The following XRN1 variants were observed in gnomAD, a reference collection of about 807,000 sequenced individuals.
XRN1 encodes the protein strand-exchange protein 1 homolog.
Under a neutral mutation model 222.3 loss-of-function variants are expected in XRN1, and 67 were observed. The ratio of observed to expected loss-of-function variants is 0.30; its 90% CI spans 0.25 to 0.37. XRN1 has a LOEUF of 0.37. Among genes scored for constraint, XRN1 ranks in the 10% least tolerant of loss-of-function variants. The pLI, the probability that XRN1 is intolerant of heterozygous loss-of-function variation, is 1.00. For missense variants in XRN1, 1,707 were observed against 2,000.2 expected, an observed-to-expected ratio of 0.85 and a Z score of 2.80; for synonymous variants, 643 against 652.4, an observed-to-expected ratio of 0.99 and a Z score of 0.22.
In XRN1 at chr3:142,391,749, A is replaced by AT. The variant is rs1470611038; in HGVS notation, c.2339+5579_2339+5580insA. On this transcript the variant is annotated intron_variant, in intron 20 of 40. Coordinates refer to ENST00000392981, the MANE Select transcript of XRN1 (RefSeq NM_001282857.2). ...ACCCCGTCTCACTAAAAAAAAAAAA[A>AT]ATATATATATATATATATATATATA... Among the ~76,000 whole-genome samples the AT allele has an allele frequency of 6.6e-3, 684 of 103,356 alleles. 1 individual carries two copies. Among genetic ancestry groups the AT allele is most frequent in the African/African-American group, 0.021 (596 of 27,976 alleles). 67.8% of individuals were successfully genotyped at this position (103,356 alleles called of 152,430 possible).
intron 2 of XRN1, among the ~76,000 whole-genome samples, chr3:142,428,085 G>C (rs2069336444): frequency 6.6e-6 from 1 of 152,022 alleles, no homozygotes; most frequent in South Asian, 2.1e-4. Context: ...AAGGTCTTGG[G>C]ATATAACAAA....
intron 37 of XRN1, 150 bp from the exon 38 acceptor site, chr3:142,319,053 G>A (rs1490812073): frequency 1.2e-5 from 8 of 652,220 alleles, no homozygotes; most frequent in South Asian, 7.0e-5. Context: ...AAAAATTTTC[G>A]AGTTGTTGCC....
intron 34 of XRN1, among the ~76,000 whole-genome samples, chr3:142,334,793 CACACACACAA>C (rs2065805515): frequency 6.7e-6 from 1 of 149,716 alleles, no homozygotes; most frequent in African/African-American, 2.5e-5. Context: ...CACACACACA[CACACACACAA>C]AAGACCATAT....
At chr3:142,363,547 TTTTACTCTAGTTTGTAAAG>T (rs1472955779) in intron 29 of XRN1, among the ~76,000 whole-genome samples, 1 of 151,884 alleles carries the variant, frequency 6.6e-6, no homozygotes, top group African/African-American at 2.4e-5. Flanking sequence ...TCAGTGCAAA[TTTTACTCTAGTTTGTAAAG>T]TTTACTCTAG....
intron 33 of XRN1, among the ~76,000 whole-genome samples, chr3:142,338,733 G>A (rs764317134): frequency 6.6e-6 from 1 of 152,144 alleles, no homozygotes; most frequent in Non-Finnish European, 1.5e-5. Context: ...CTGCCCTGAA[G>A]GGTGAGTCCC....
intron 32 of XRN1, among the ~76,000 whole-genome samples, chr3:142,349,511 A>G: frequency 6.6e-6 from 1 of 151,920 alleles, no homozygotes; most frequent in African/African-American, 2.4e-5. Context: ...TAAATAATAT[A>G]ATATTATTAT....
At chr3:142,410,494 T>TTG (rs1274884581) in intron 15 of XRN1, among the ~76,000 whole-genome samples, 1 of 131,296 alleles carries the variant, frequency 7.6e-6, no homozygotes, top group African/African-American at 3.0e-5. Context: ...CATGTTTTTT[T>TTG]TTTTTTTTTT....
chr3:142,439,947 A>G (rs1005561516), intron 1 of XRN1, among the ~76,000 whole-genome samples: 2 of 152,156 alleles, frequency 1.3e-5, no homozygotes, highest in Non-Finnish European at 2.9e-5. Flanking sequence ...CAAGGGAATC[A>G]CTGGAAGGCC....
intron 37 of XRN1, among the ~76,000 whole-genome samples, chr3:142,319,907 T>TACAC (rs113013809): frequency 0.014 from 2,138 of 148,898 alleles, 26 homozygotes; most frequent in Non-Finnish European, 0.021. Context: ...GGTGTGTGTA[T>TACAC]ACACACACAC....
chr3:142,414,182 C>T lies in XRN1; in HGVS notation c.1546G>A (p.Ala516Thr), dbSNP rs1577393415. 2 of 1,613,664 alleles carry T rather than the reference C, an allele frequency of 1.2e-6. No homozygotes were observed. Among genetic ancestry groups the T allele is most frequent in the Non-Finnish European group, 1.7e-6 (2 of 1,179,788 alleles). ...KPFKPFEQLL[A>T]VLPAASKNLL... ...TTTTTGCTGGCTGCTGGAAGTACAGCAAGAAGCTGTTCAAATGGCTTAAAA... is the reference window on the plus strand; with the variant it reads ...TTTTTGCTGGCTGCTGGAAGTACAGTAAGAAGCTGTTCAAATGGCTTAAAA... Residue 516 changes from alanine to threonine, a missense_variant, in exon 14 of 41, where the codon GCT (alanine) becomes ACT (threonine). By Grantham distance (58) the Ala-to-Thr change is moderately conservative. This residue lies in a region of XRN1 where 1,234 missense variants were observed against 1,518.2 expected (regional missense o/e 0.81). Coordinates refer to ENST00000392981, the MANE Select transcript of XRN1 (RefSeq NM_001282857.2).
chr3:142,404,597 T>A (rs375892985), intron 16 of XRN1, among the ~76,000 whole-genome samples: 1 of 152,058 alleles, frequency 6.6e-6, no homozygotes, highest in Non-Finnish European at 1.5e-5. Flanking sequence ...GAAACAAAAA[T>A]TCACATATCC....
intron 39 of XRN1, among the ~76,000 whole-genome samples, chr3:142,315,262 T>C (rs1424563198): frequency 6.7e-6 from 1 of 149,562 alleles, no homozygotes; most frequent in African/African-American, 2.6e-5. Context: ...ATGCTTTTGT[T>C]ACTGTACTGC....
intron 3 of XRN1, 138 bp downstream of exon 3, chr3:142,426,606 G>T: frequency 2.7e-6 from 2 of 748,056 alleles, no homozygotes; most frequent in Non-Finnish European, 4.2e-6. Context: ...CGTCTCATGA[G>T]CAAACATAAG....
chr3:142,381,691 C>A (rs1021626175), intron 22 of XRN1, among the ~76,000 whole-genome samples: 1 of 151,612 alleles, frequency 6.6e-6, no homozygotes, highest in African/African-American at 2.4e-5. Context: ...CTCAGCCTCC[C>A]AAGTAGCTGA....
intron 32 of XRN1, 148 bp downstream of exon 32, chr3:142,355,253 T>TA (rs11457481): frequency 0.33 from 132,813 of 404,098 alleles, 15,907 homozygotes; most frequent in African/African-American, 0.35. Context: ...TGAAATTATT[T>TA]AAAAAAAGAA....
intron 6 of XRN1, among the ~76,000 whole-genome samples, chr3:142,423,253 A>C (rs1577412675): frequency 6.6e-6 from 1 of 152,306 alleles, no homozygotes; most frequent in African/African-American, 2.4e-5. Flanking sequence ...AAATAATGCA[A>C]GGAAGATTGG....
intron 15 of XRN1, among the ~76,000 whole-genome samples, chr3:142,406,137 A>G (rs528694041): frequency 6.6e-6 from 1 of 152,298 alleles, no homozygotes; most frequent in African/African-American, 2.4e-5. Flanking sequence ...AAACATACAT[A>G]AAAGTATTTT....
At chr3:142,405,140 A>G (rs1368880385) in intron 15 of XRN1, 64 bp from the exon 16 acceptor site, 17 of 1,519,894 alleles carry the variant, frequency 1.1e-5, no homozygotes, top group East Asian at 4.5e-5. Flanking sequence ...AACAAACAGA[A>G]TAAGTCTTTT....
chr3:142,374,342 G>C (rs762259347), intron 25 of XRN1, among the ~76,000 whole-genome samples: 5 of 152,096 alleles, frequency 3.3e-5, no homozygotes, highest in Non-Finnish European at 7.3e-5. Flanking sequence ...GTCTCCAAGA[G>C]AAAAATGGAA....
Sources: allele counts gnomAD v4.1 joint callset (sites outside exome capture counted in the v4.1 genomes callset), GRCh38; gene constraint gnomAD v4.1.1; regional missense constraint gnomAD v4.1.1; transcripts MANE v1.5; gene names NCBI Gene and HGNC (gene_info 2026-07-23, HGNC 2026-07-21).